TGM3: variants seen among roughly 807,000 people sequenced by gnomAD.
The protein encoded by TGM3 is protein-glutamine gamma-glutamyltransferase E.
TGM3 carries 52 observed loss-of-function variants against 73.8 expected under a neutral mutation model. The observed-to-expected ratio is 0.70, with a 90% CI of 0.56 to 0.89. The LOEUF (loss-of-function observed/expected upper bound fraction) is 0.89. TGM3 is among the 40% of genes least tolerant of loss of function. The pLI, the probability that TGM3 is intolerant of heterozygous loss-of-function variation, is 0.00. For missense variants in TGM3, 928 were observed against 909.9 expected, an observed-to-expected ratio of 1.02 and a Z score of -0.26; for synonymous variants, 372 against 354.9, an observed-to-expected ratio of 1.05 and a Z score of -0.54.
At chr20:2,335,616 T>C (rs6036162) in intron 11 of TGM3, among the ~76,000 whole-genome samples, 8,283 of 152,218 alleles carry the variant, frequency 0.054, 641 homozygotes, top group African/African-American at 0.17. Context: ...TACTGAGCAT[T>C]TGCTGTGTTC....
intron 4 of TGM3, among the ~76,000 whole-genome samples, chr20:2,312,132 G>T (rs2084206875): frequency 6.6e-6 from 1 of 152,168 alleles, no homozygotes; most frequent in South Asian, 2.1e-4. Context: ...AGGTGCAGTG[G>T]CTCACGCCTG....
At chr20:2,298,432 A>G (rs765895723) in intron 1 of TGM3, among the ~76,000 whole-genome samples, 9 of 152,210 alleles carry the variant, frequency 5.9e-5, no homozygotes, top group Non-Finnish European at 1.0e-4. Context: ...CAGAGTTCTC[A>G]GGGTACACAC....
rs890077200 is a variant in TGM3 at position 2,318,003 on chromosome 20, A to G, written c.983+518A>G. ...GGTTGACATCAAAAGTTCAGAGTTT[A>G]TTCTGGATTCCGGATGAAAACAATT... On this transcript the variant is annotated intron_variant, in intron 7 of 12. Transcript: ENST00000381458. Among the ~76,000 whole-genome samples, 70 of 150,154 alleles carry G rather than the reference A, an allele frequency of 4.7e-4. 1 individual carries two copies. Among genetic ancestry groups the G allele is most frequent in the Non-Finnish European group, 1.6e-4 (11 of 67,728 alleles).
At chr20:2,317,297 T>C in intron 6 of TGM3, 52 bp downstream of exon 6, 3 of 1,613,920 alleles carry the variant, frequency 1.9e-6, no homozygotes, top group Non-Finnish European at 1.7e-6. Flanking sequence ...CAGTGGGCTA[T>C]GCCAAGGTAC....
At position 2,332,135 on chromosome 20, in the gene TGM3, C is replaced by T. The variant is rs374785922; in HGVS notation, c.1467C>T (p.Val489=). 87 of 1,614,060 alleles carry T rather than the reference C, an allele frequency of 5.4e-5. No homozygotes were observed. Among genetic ancestry groups the T allele is most frequent in the Middle Eastern group, 1.6e-4 (1 of 6,084 alleles). The change falls in exon 10 of 13, where the codon GTC becomes GTT. Residue 489 remains valine (V), a synonymous_variant. Transcript: ENST00000381458. The surrounding 1 kb of genome is among the most constrained non-coding windows in gnomAD (Gnocchi z 4.4). ...CCAGCATCATCGGGAAGCTGAAGGTCGCTGGCATGCTGGCAGTAGGCAAAG... is the reference window on the plus strand; with the variant it reads ...CCAGCATCATCGGGAAGCTGAAGGTTGCTGGCATGCTGGCAGTAGGCAAAG... ...QEPSIIGKLK[V]AGMLAVGKEV...
intron 1 of TGM3, among the ~76,000 whole-genome samples, chr20:2,301,120 G>T (rs2084144809): frequency 6.6e-6 from 1 of 151,938 alleles, no homozygotes; most frequent in Non-Finnish European, 1.5e-5. Flanking sequence ...CACCTGTGCT[G>T]CACAGAGCTT....
intron 8 of TGM3, 124 bp from the exon 9 acceptor site, chr20:2,327,996 G>T (rs2084298257): frequency 7.3e-7 from 1 of 1,368,804 alleles, no homozygotes. Flanking sequence ...ACACAGTCAG[G>T]GGTGAAGGAA....
intron 7 of TGM3, among the ~76,000 whole-genome samples, chr20:2,325,126 C>A (rs758601867): frequency 6.6e-6 from 1 of 152,056 alleles, no homozygotes; most frequent in African/African-American, 2.4e-5. Flanking sequence ...GGATTTATGT[C>A]GAACTTATAT....
intron 11 of TGM3, among the ~76,000 whole-genome samples, chr20:2,338,778 T>C (rs578040300): frequency 6.6e-6 from 1 of 152,298 alleles, no homozygotes; most frequent in East Asian, 1.9e-4. Context: ...CCAATAGCCA[T>C]AAAATGTCCA....
chr20:2,340,569 T>A lies in TGM3; in HGVS notation c.2070T>A (p.Asp690Glu). ...CAATCAAGGCCATGTTGTCCATCGA[T>A]GTAGCCGAATGAAGGGCGCTGGTGG... The part of the protein sequence containing the change: ...FPAIKAMLSI[D>E]VAE The change falls in exon 13 of 13, where the codon GAT (aspartate) becomes GAA (glutamate). Residue 690 changes from aspartate to glutamate, a missense_variant. Transcript: ENST00000381458. 1.2e-6 allele frequency: 2 copies of A among 1,614,116 alleles called. No individual in the cohort carries two copies. The highest frequency in any genetic ancestry group is 2.2e-5 in the South Asian group (2 of 91,080).
At chr20:2,296,608 A>G (rs993506123) in intron 1 of TGM3, among the ~76,000 whole-genome samples, 1 of 152,062 alleles carries the variant, frequency 6.6e-6, no homozygotes, top group African/African-American at 2.4e-5. Flanking sequence ...TACACATCAG[A>G]AGCATCAGAC....
chr20:2,330,403 C>G (rs1359667888), intron 9 of TGM3, among the ~76,000 whole-genome samples: 1 of 152,172 alleles, frequency 6.6e-6, no homozygotes, highest in Non-Finnish European at 1.5e-5. Context: ...TACAGCTGGA[C>G]TAGAGGATGG....
chr20:2,323,518 G>A (rs954696174), intron 7 of TGM3, among the ~76,000 whole-genome samples: 1 of 152,222 alleles, frequency 6.6e-6, no homozygotes, highest in African/African-American at 2.4e-5. Flanking sequence ...GACACCTTTA[G>A]ATATACATGT....
chr20:2,306,472 C>CTTTTTTT (rs33929365), intron 1 of TGM3, among the ~76,000 whole-genome samples: 67 of 129,608 alleles, frequency 5.2e-4, no homozygotes, highest in East Asian at 9.1e-4. Flanking sequence ...CTTTTCCTTT[C>CTTTTTTT]TTTTTTTTTT....
intron 7 of TGM3, 92 bp from the exon 8 acceptor site, chr20:2,325,757 A>T (rs2084283611): frequency 1.1e-6 from 1 of 891,176 alleles, no homozygotes; most frequent in African/African-American, 1.6e-5. Flanking sequence ...GCATGTTGTC[A>T]TGCTGCACTG....
At chr20:2,307,281 G>A (rs1314630515) in intron 1 of TGM3, among the ~76,000 whole-genome samples, 1 of 152,026 alleles carries the variant, frequency 6.6e-6, no homozygotes, top group East Asian at 1.9e-4. Context: ...TACTGGAGAG[G>A]GTACCTATGG....
In TGM3 at chr20:2,315,405, C is replaced by T. The variant is rs575621151; in HGVS notation, c.670-1663C>T. Among the ~76,000 whole-genome samples the T allele has an allele frequency of 2.3e-4, 35 of 152,344 alleles. No homozygotes were observed. In the East Asian group the frequency reaches 6.4e-3, roughly 28 times the overall value. On this transcript the variant is annotated intron_variant, in intron 5 of 12. Transcript: ENST00000381458. Reference sequence around the variant, plus strand: ...CAGGAGATGGGGAAGGGCTGCGCAACCTTCCATCTCTAAGGAGGCCCTGTC... The same window carrying T: ...CAGGAGATGGGGAAGGGCTGCGCAATCTTCCATCTCTAAGGAGGCCCTGTC...
At chr20:2,337,925 C>G (rs1179742479) in intron 11 of TGM3, among the ~76,000 whole-genome samples, 2 of 152,160 alleles carry the variant, frequency 1.3e-5, no homozygotes, top group Non-Finnish European at 2.9e-5. Flanking sequence ...AATGTGCCAT[C>G]ACTGACTCTT....
At chr20:2,313,079 C>T in intron 5 of TGM3, 53 bp downstream of exon 5, 1 of 1,609,422 alleles carries the variant, frequency 6.2e-7, no homozygotes, top group Non-Finnish European at 8.5e-7. Context: ...TTGAACACCA[C>T]CTATGAGCTA....
Sources: allele counts gnomAD v4.1 joint callset (sites outside exome capture counted in the v4.1 genomes callset), GRCh38; gene constraint gnomAD v4.1.1; non-coding constraint Gnocchi (gnomAD v3.1); transcripts MANE v1.5; gene names NCBI Gene and HGNC (gene_info 2026-07-23, HGNC 2026-07-21).